Variants in NECTIN2 observed in about 807,000 individuals in gnomAD.
The protein encoded by NECTIN2 is nectin cell adhesion molecule 2, also known as nectin-2.
NECTIN2 carries 23 observed loss-of-function variants against 56.9 expected under a neutral mutation model. That is an observed-to-expected ratio of 0.40 (90% CI 0.29 to 0.57). NECTIN2 has a LOEUF of 0.57. Among genes scored for constraint, NECTIN2 ranks in the 20% least tolerant of loss-of-function variants. The pLI is 0.38. For synonymous variants in NECTIN2, 302 were observed against 313.8 expected, an observed-to-expected ratio of 0.96 and a Z score of 0.40; for missense variants, 587 against 718.3, an observed-to-expected ratio of 0.82 and a Z score of 2.09.
In NECTIN2 at chr19:44,875,171, G is replaced by GCTCAAAC. The variant is rs1011289523; in HGVS notation, c.1042+695_1042+701dup. Among the ~76,000 whole-genome samples the GCTCAAAC allele has an allele frequency of 1.3e-5, 2 of 152,034 alleles. No individual in the cohort carries two copies. Among genetic ancestry groups the GCTCAAAC allele is most frequent in the African/African-American group, 4.8e-5 (2 of 41,382 alleles). On this transcript the variant is annotated intron_variant, in intron 5 of 8. Transcript: ENST00000252483. This position sits in a 1 kb window ranked among gnomAD's most constrained non-coding sequence, Gnocchi z 4.2. ...ACTCACCTGGATGGTAACCCTGCACGCTCAAACCCATTGTCACCAAGACAC... is the reference window on the plus strand; with the variant it reads ...ACTCACCTGGATGGTAACCCTGCACGCTCAAACCTCAAACCCATTGTCACCAAGACAC...
intron 1 of NECTIN2, among the ~76,000 whole-genome samples, chr19:44,852,835 T>C (rs769677571): frequency 3.9e-5 from 6 of 152,202 alleles, no homozygotes; most frequent in Non-Finnish European, 5.9e-5. Flanking sequence ...CAGGACGCGG[T>C]GGCTCACGCC....
chr19:44,878,471 A>G (rs1453636489), intron 5 of NECTIN2: 7 of 1,611,938 alleles, frequency 4.3e-6, no homozygotes, highest in Non-Finnish European at 5.9e-6. Flanking sequence ...CCCTGGTCCC[A>G]TGGAACCAGA....
At position 44,868,040 on chromosome 19, in the gene NECTIN2, C is replaced by T. The variant is rs1161132591; in HGVS notation, c.478+2380C>T. Among the ~76,000 whole-genome samples, 3 of 151,776 alleles carry T rather than the reference C, an allele frequency of 2.0e-5. No homozygotes were observed. The East Asian group carries it at 5.8e-4, about 29-fold the overall frequency. Reference sequence around the variant, plus strand: ...AGAAGATAGTAGGTGCTGGGCTTGCCCATGGATTGAGGGGGAAGCAGGATC... The same window carrying T: ...AGAAGATAGTAGGTGCTGGGCTTGCTCATGGATTGAGGGGGAAGCAGGATC... On this transcript the variant is annotated intron_variant, in intron 2 of 8. Transcript: ENST00000252483.
Position 44,846,599 on chromosome 19 carries a change from T to C in NECTIN2, c.74T>C (p.Leu25Pro), listed in dbSNP as rs767615519. The C allele has an allele frequency of 1.2e-5, 19 of 1,525,816 alleles. No homozygotes were observed. In the South Asian group the frequency reaches 2.3e-4, roughly 18 times the overall value. 94.5% of individuals were successfully genotyped at this position (1,525,816 alleles called of 1,614,324 possible). A position where few individuals can be genotyped will look rare whatever the true frequency, so the allele number is the denominator to read the frequency against. ...TPLLWPLLLL[L>P]LLETGAQDVR... ...CTGCTGTGGCCGCTGCTGCTGCTGC[T>C]GCTCCTGGAAACCGGTGAGACGAGC... is the stretch of plus-strand genomic sequence containing the variant. The change falls in exon 1 of 9, where the codon CTG (leucine) becomes CCG (proline). Residue 25 changes from leucine to proline, a missense_variant. Coordinates refer to ENST00000252483, the MANE Select transcript of NECTIN2 (RefSeq NM_001042724.2).
Position 44,865,136 on chromosome 19 carries a change from C to G in NECTIN2, c.89-135C>G. ...CTTTTCCAGGTGGCTTTTTTGGAAT[C>G]AGGATGCTGCGAAGCTGCCTACGTT... On this transcript the variant is annotated intron_variant, in intron 1 of 8. Coordinates refer to ENST00000252483, the MANE Select transcript of NECTIN2 (RefSeq NM_001042724.2). This position sits in a 1 kb window ranked among gnomAD's most constrained non-coding sequence, Gnocchi z 5.2. 1.1e-6 allele frequency: 1 copy of G among 940,326 alleles called. No individual in the cohort carries two copies. 58.2% of individuals were successfully genotyped at this position (940,326 alleles called of 1,614,324 possible). A position where few individuals can be genotyped will look rare whatever the true frequency, so the allele number is the denominator to read the frequency against.
At chr19:44,879,121 G>A (rs1338155993) in intron 5 of NECTIN2, among the ~76,000 whole-genome samples, 1 of 152,094 alleles carries the variant, frequency 6.6e-6, no homozygotes, top group Non-Finnish European at 1.5e-5. Flanking sequence ...CTTGAAAGAC[G>A]CATTGGATGG....
intron 1 of NECTIN2, among the ~76,000 whole-genome samples, chr19:44,859,092 T>A (rs1969002805): frequency 6.6e-6 from 1 of 152,040 alleles, no homozygotes; most frequent in Non-Finnish European, 1.5e-5. Context: ...TTCCCTGGGG[T>A]TCCTGTGTGT....
At chr19:44,866,024 T>A (rs1254526134) in intron 2 of NECTIN2, among the ~76,000 whole-genome samples, 1 of 151,758 alleles carries the variant, frequency 6.6e-6, no homozygotes, top group Non-Finnish European at 1.5e-5. Flanking sequence ...AATAAAAAAT[T>A]AGCTGGGTGT....
chr19:44,850,398 A>G (rs1048046446), intron 1 of NECTIN2, among the ~76,000 whole-genome samples: 5 of 152,108 alleles, frequency 3.3e-5, no homozygotes, highest in Admixed American at 2.6e-4. Flanking sequence ...TAATCCTAGC[A>G]TTCTGGGAGG....
At chr19:44,883,313 C>A (rs1278877210) in intron 6 of NECTIN2, among the ~76,000 whole-genome samples, 1 of 152,014 alleles carries the variant, frequency 6.6e-6, no homozygotes, top group Non-Finnish European at 1.5e-5. Flanking sequence ...CTTGGTCTGT[C>A]GCCCTGGCTG....
intron 6 of NECTIN2, among the ~76,000 whole-genome samples, chr19:44,883,058 G>A (rs919127844): frequency 1.8e-4 from 27 of 152,034 alleles, no homozygotes; most frequent in Admixed American, 4.0e-4. Flanking sequence ...TGGGATTACA[G>A]GCGTGAGCCA....
chr19:44,880,081 A>G (rs1271895991), intron 5 of NECTIN2, among the ~76,000 whole-genome samples: 1 of 152,202 alleles, frequency 6.6e-6, no homozygotes, highest in African/African-American at 2.4e-5. Context: ...GTCCTCTGGA[A>G]GCTTCCTCCT....
At chr19:44,846,635 C>T in intron 1 of NECTIN2, 22 bp downstream of exon 1, 1 of 1,522,200 alleles carries the variant, frequency 6.6e-7, no homozygotes, top group Non-Finnish European at 8.8e-7. Flanking sequence ...GGACGGCCCC[C>T]TGCCCTCGCG....
In NECTIN2 at chr19:44,874,639, G is replaced by T; in HGVS notation, c.1042+161G>T. The stretch of plus-strand genomic sequence containing the variant: ...AGATGAGGGTTGGCCTTCCCCTCGT[G>T]GCCTCAGACTGGGGTCTGGATTTGG... On this transcript the variant is annotated intron_variant, in intron 5 of 8. Coordinates refer to ENST00000252483, the MANE Select transcript of NECTIN2 (RefSeq NM_001042724.2). This position sits in a 1 kb window ranked among gnomAD's most constrained non-coding sequence, Gnocchi z 6.3. 3.5e-6 allele frequency: 3 copies of T among 860,720 alleles called. No homozygotes were observed. The South Asian group carries it at 4.9e-5, about 14-fold the overall frequency. The allele number at this position is 860,720 out of a possible 1,614,324, so 53.3% of individuals were successfully genotyped here.
intron 1 of NECTIN2, among the ~76,000 whole-genome samples, chr19:44,852,486 A>C (rs4802241): frequency 0.17 from 23,880 of 141,992 alleles, 2,286 homozygotes; most frequent in East Asian, 0.41. Flanking sequence ...GCTACTCAGG[A>C]GGCTGAGGCA....
chr19:44,846,410 C>G lies in NECTIN2; in HGVS notation c.-116C>G. 1.5e-6 allele frequency: 2 copies of G among 1,295,034 alleles called. No homozygotes were observed. Among genetic ancestry groups the G allele is most frequent in the Non-Finnish European group, 2.0e-6 (2 of 1,002,840 alleles). The allele number at this position is 1,295,034 out of a possible 1,614,324, so 80.2% of individuals were successfully genotyped here. A position where few individuals can be genotyped will look rare whatever the true frequency, so the allele number is the denominator to read the frequency against. Reference sequence around the variant, plus strand: ...CAGGGAGGCTAGAGCGCAGCGGGAACCGGCCCGGAGCCGGAGCCGGAGCCC... The same window carrying G: ...CAGGGAGGCTAGAGCGCAGCGGGAAGCGGCCCGGAGCCGGAGCCGGAGCCC... On this transcript the variant is annotated 5_prime_UTR_variant, in exon 1 of 9. Coordinates refer to ENST00000252483, the MANE Select transcript of NECTIN2 (RefSeq NM_001042724.2).
At chr19:44,873,264 C>T (rs1295518669) in intron 3 of NECTIN2, among the ~76,000 whole-genome samples, 5 of 150,888 alleles carry the variant, frequency 3.3e-5, no homozygotes, top group Non-Finnish European at 3.0e-5. Context: ...CCCTGAGCCT[C>T]GTCTGTGCCA....
At chr19:44,849,737 C>T (rs905551797) in intron 1 of NECTIN2, among the ~76,000 whole-genome samples, 1 of 152,048 alleles carries the variant, frequency 6.6e-6, no homozygotes. Flanking sequence ...GGAATCAAGG[C>T]AGAGAGCCAG....
intron 1 of NECTIN2, among the ~76,000 whole-genome samples, chr19:44,863,841 C>CAA (rs34834700): frequency 0.5 from 66,486 of 132,122 alleles, 16,473 homozygotes; most frequent in East Asian, 0.58. Context: ...GACTCAGTCT[C>CAA]AAAAAAAAAA....
Sources: gnomAD v4.1 joint callset for allele counts (sites outside exome capture counted in the v4.1 genomes callset) on GRCh38, gnomAD v4.1.1 for gene constraint, Gnocchi (gnomAD v3.1) non-coding constraint, MANE v1.5 for transcripts, NCBI Gene and HGNC (gene_info 2026-07-23, HGNC 2026-07-21) for gene names.